Variants in AJAP1 observed in about 807,000 individuals in gnomAD.
AJAP1 encodes the protein adherens junctions associated protein 1, also known as adherens junction-associated protein 1.
A neutral mutation model predicts 35.0 loss-of-function variants in AJAP1; 5 were observed. The ratio of observed to expected loss-of-function variants is 0.14; its 90% CI spans 0.07 to 0.30. The LOEUF (loss-of-function observed/expected upper bound fraction) is 0.30. AJAP1 is among the 10% of genes least tolerant of loss of function. AJAP1 has a pLI of 1.00. For synonymous variants in AJAP1, 284 were observed against 249.3 expected (o/e 1.14, Z -1.31); for missense variants, 586 against 571.0 (o/e 1.03, Z -0.27).
In AJAP1 at chr1:4,787,361, T is replaced by G. The variant is rs1570241803; in HGVS notation, c.*4876T>G. 1.3e-5 allele frequency: 3 copies of G among 236,020 alleles called. No homozygotes were observed. Among genetic ancestry groups the G allele is most frequent in the South Asian group, 4.3e-5 (1 of 23,330 alleles). 14.6% of individuals were successfully genotyped at this position (236,020 alleles called of 1,614,324 possible). On this transcript the variant is annotated 3_prime_UTR_variant, in exon 6 of 6. Transcript: ENST00000378191. ...GGGAAGAGGGAGAGAGTGGGGGGCA[T>G]TGAAGGGGAAGAAAGAGAGGCAGGG...
At chr1:4,671,386 A>AGTGGC (rs1639244925) in intron 1 of AJAP1, among the ~76,000 whole-genome samples, 1 of 139,812 alleles carries the variant, frequency 7.2e-6, no homozygotes, top group African/African-American at 2.6e-5. Context: ...AAAAAAAAAG[A>AGTGGC]ATGGCAGCTG....
chr1:4,662,418 C>A (rs1639019134), intron 1 of AJAP1, among the ~76,000 whole-genome samples: 1 of 152,202 alleles, frequency 6.6e-6, no homozygotes, highest in Admixed American at 6.5e-5. Flanking sequence ...CCACGTCATT[C>A]CCTTTTTGTT....
At chr1:4,774,281 T>C in intron 4 of AJAP1, 146 bp from the exon 5 acceptor site, 1 of 669,576 alleles carries the variant, frequency 1.5e-6, no homozygotes, top group East Asian at 2.6e-5. Context: ...ATGTGGGGGG[T>C]GGTCCCTTCC....
chr1:4,711,238 G>GCATGC (rs1640225597), intron 1 of AJAP1: 1 of 152,362 alleles, frequency 6.6e-6, no homozygotes, highest in Middle Eastern at 3.2e-3. Flanking sequence ...TTTACGATAT[G>GCATGC]CATGCCGGGC....
chr1:4,699,140 C>T (rs889356317), intron 1 of AJAP1, among the ~76,000 whole-genome samples: 5 of 152,148 alleles, frequency 3.3e-5, no homozygotes, highest in African/African-American at 7.2e-5. Context: ...TGAAGGGGCT[C>T]GCCCCAGGGT....
At chr1:4,671,789 C>T (rs1482107680) in intron 1 of AJAP1, among the ~76,000 whole-genome samples, 2 of 152,140 alleles carry the variant, frequency 1.3e-5, no homozygotes, top group East Asian at 3.9e-4. Context: ...AAATGGAATC[C>T]CTGGGTAACC....
chr1:4,707,693 A>G (rs2101196), intron 1 of AJAP1, among the ~76,000 whole-genome samples: 83,012 of 151,750 alleles, frequency 0.55, 22,908 homozygotes, highest in South Asian at 0.71. Flanking sequence ...GTCAGCTTTG[A>G]CTGTTGTGAG....
At chr1:4,781,899 C>T (rs1457360139) in intron 5 of AJAP1, among the ~76,000 whole-genome samples, 8 of 152,230 alleles carry the variant, frequency 5.3e-5, no homozygotes, top group South Asian at 2.1e-4. Flanking sequence ...TCAGCCTGCC[C>T]GCTGAAGGTG....
chr1:4,725,303 G>T (rs1382887561), intron 2 of AJAP1, among the ~76,000 whole-genome samples: 3 of 152,178 alleles, frequency 2.0e-5, no homozygotes, highest in Non-Finnish European at 4.4e-5. Flanking sequence ...CTCACTTCCC[G>T]TGTGTGGGGA....
chr1:4,781,122 G>A (rs547352419), intron 5 of AJAP1, among the ~76,000 whole-genome samples: 1 of 152,332 alleles, frequency 6.6e-6, no homozygotes, highest in Admixed American at 6.5e-5. Context: ...CAGGGACGCA[G>A]TGCTGTGCAG....
chr1:4,656,403 C>T lies in AJAP1; in HGVS notation c.29+949C>T, dbSNP rs979293549. Among the ~76,000 whole-genome samples, 1 of 152,200 alleles carries T rather than the reference C, an allele frequency of 6.6e-6. No homozygotes were observed. The highest frequency in any genetic ancestry group is 2.4e-5 in the African/African-American group (1 of 41,452). On this transcript the variant is annotated intron_variant, in intron 1 of 5. Transcript: ENST00000378191. The surrounding 1 kb of genome is among the most constrained non-coding windows in gnomAD (Gnocchi z 5.7). ...CGTGCATTTGGGTCCCGGGTTGGAA[C>T]CGCGAGCGGGGAGGACAGAGGTGGA...
At chr1:4,731,450 G>C (rs1004703526) in intron 2 of AJAP1, among the ~76,000 whole-genome samples, 1 of 152,162 alleles carries the variant, frequency 6.6e-6, no homozygotes, top group African/African-American at 2.4e-5. Flanking sequence ...TGTCACTGCC[G>C]GGCAGACCCA....
chr1:4,696,683 A>G (rs1264277299), intron 1 of AJAP1, among the ~76,000 whole-genome samples: 1 of 152,226 alleles, frequency 6.6e-6, no homozygotes, highest in Non-Finnish European at 1.5e-5. Flanking sequence ...TTGTGTGTGC[A>G]TGTGCATCTG....
chr1:4,681,651 C>T (rs934202630), intron 1 of AJAP1, among the ~76,000 whole-genome samples: 5 of 152,198 alleles, frequency 3.3e-5, no homozygotes, highest in African/African-American at 2.4e-5. Context: ...CTTCTCATTC[C>T]GACCAAGCCT....
At chr1:4,736,691 G>A (rs1423045603) in intron 2 of AJAP1, among the ~76,000 whole-genome samples, 3 of 152,176 alleles carry the variant, frequency 2.0e-5, no homozygotes, top group South Asian at 2.1e-4. Flanking sequence ...ATTTGCACAC[G>A]TAGGGAGTTC....
rs1278081562 is a variant in AJAP1 at position 4,693,702 on chromosome 1, G to C, written c.30-18198G>C. 1.3e-5 allele frequency among the ~76,000 whole-genome samples: 2 copies of C among 152,208 alleles called. No homozygotes were observed. The highest frequency in any genetic ancestry group is 3.8e-4 in the East Asian group (2 of 5,198). On this transcript the variant is annotated intron_variant, in intron 1 of 5. Transcript: ENST00000378191. The surrounding 1 kb of genome is among the most constrained non-coding windows in gnomAD (Gnocchi z 4.4). Reference sequence around the variant, plus strand: ...TTTATTTCTCACAGTTCTGGAGGCTGGGGCACCCAAGGTCAAGGGGCCCAC... The same window carrying C: ...TTTATTTCTCACAGTTCTGGAGGCTCGGGCACCCAAGGTCAAGGGGCCCAC...
intron 2 of AJAP1, among the ~76,000 whole-genome samples, chr1:4,716,056 A>AT (rs1235479857): frequency 6.6e-6 from 1 of 152,274 alleles, no homozygotes; most frequent in Non-Finnish European, 1.5e-5. Context: ...GCAGATAAAT[A>AT]TTTAGAAGGG....
At chr1:4,763,359 A>G (rs1178962025) in intron 2 of AJAP1, among the ~76,000 whole-genome samples, 2 of 151,888 alleles carry the variant, frequency 1.3e-5, no homozygotes, top group Non-Finnish European at 2.9e-5. Flanking sequence ...CCTTAGGGGG[A>G]GTTCTGTTTC....
intron 1 of AJAP1, among the ~76,000 whole-genome samples, chr1:4,708,818 G>GC (rs1430494594): frequency 1.3e-5 from 2 of 150,244 alleles, no homozygotes; most frequent in Non-Finnish European, 1.5e-5. Flanking sequence ...CTTTCCCCCT[G>GC]CCCCCCACAT....
Sources: gnomAD v4.1 joint callset for allele counts (sites outside exome capture counted in the v4.1 genomes callset) on GRCh38, gnomAD v4.1.1 for gene constraint, Gnocchi (gnomAD v3.1) non-coding constraint, MANE v1.5 for transcripts, NCBI Gene and HGNC (gene_info 2026-07-23, HGNC 2026-07-21) for gene names.